Variants in HLCS observed in about 807,000 individuals in gnomAD.
HLCS encodes the protein biotin--protein ligase.
A neutral mutation model predicts 75.0 loss-of-function variants in HLCS; 53 were observed. The ratio of observed to expected loss-of-function variants is 0.71; its 90% confidence interval spans 0.57 to 0.89. The LOEUF (loss-of-function observed/expected upper bound fraction) is 0.89. HLCS is among the 40% of genes least tolerant of loss of function. The probability of loss-of-function intolerance (pLI) is 0.00; values close to 1 mark genes in which losing one functional copy is unlikely to be tolerated. For synonymous variants in HLCS, 431 were observed against 428.6 expected (o/e 1.01, Z -0.07); for missense variants, 966 against 1,074.0 (o/e 0.90, Z 1.41).
intron 2 of HLCS, among the ~76,000 whole-genome samples, chr21:36,956,777 A>G (rs1601873328): frequency 6.6e-6 from 1 of 151,630 alleles, no homozygotes; most frequent in East Asian, 2.0e-4. Context: ...AAGGAGCCAG[A>G]ATGGTGGCTC....
At chr21:36,795,976 T>A (rs954575325) in intron 6 of HLCS, among the ~76,000 whole-genome samples, 1 of 152,226 alleles carries the variant, frequency 6.6e-6, no homozygotes, top group African/African-American at 2.4e-5. Context: ...GACAAGGTTT[T>A]AAAAAAATAT....
chr21:36,913,188 A>T (rs962440672), intron 5 of HLCS, among the ~76,000 whole-genome samples: 1 of 152,166 alleles, frequency 6.6e-6, no homozygotes, highest in South Asian at 2.1e-4. Flanking sequence ...TATACCGCAG[A>T]GCTGGAATTT....
chr21:36,801,794 TA>T (rs894871530), intron 6 of HLCS, among the ~76,000 whole-genome samples: 3 of 151,564 alleles, frequency 2.0e-5, no homozygotes, highest in South Asian at 2.1e-4. Context: ...TTTTTTTTTT[TA>T]AATTTTTTAA....
chr21:36,767,525 T>A (rs1395204393), intron 6 of HLCS, among the ~76,000 whole-genome samples: 1 of 152,168 alleles, frequency 6.6e-6, no homozygotes, highest in Non-Finnish European at 1.5e-5. Flanking sequence ...AAAAAGAGCA[T>A]GCGAGGGGGC....
intron 6 of HLCS, among the ~76,000 whole-genome samples, chr21:36,876,017 C>T (rs370801657): frequency 9.9e-5 from 15 of 152,272 alleles, no homozygotes; most frequent in East Asian, 3.9e-4. Context: ...GATCTAGCCT[C>T]AGCCTTGCAC....
chr21:36,874,276 C>T (rs2063875520), intron 6 of HLCS, among the ~76,000 whole-genome samples: 1 of 152,084 alleles, frequency 6.6e-6, no homozygotes, highest in Non-Finnish European at 1.5e-5. Flanking sequence ...GTGGTGGGCG[C>T]CTGTAGTCTC....
chr21:36,966,421 G>GGC, intron 1 of HLCS, 23 bp downstream of exon 1: 60 of 473,694 alleles, frequency 1.3e-4, no homozygotes, highest in South Asian at 2.6e-4. Context: ...GGCCCGGGTC[G>GGC]CCCGCCCGCC....
At position 36,936,658 on chromosome 21, in the gene HLCS, G is replaced by C. The variant is rs2066896929; in HGVS notation, c.1228C>G (p.Leu410Val). ...ACCAAGTTCTGGACTGTCTTGTGCA[G>C]TGCACCCTTGCTTGTCACCTGAAAG... ...GGFQVTSKGA[L>V]HKTVQNLVFS... The change falls in exon 4 of 11, where the codon CTG (leucine) becomes GTG (valine). Residue 410 changes from leucine to valine, a missense_variant. Coordinates refer to ENST00000674895, the MANE Select transcript of HLCS (RefSeq NM_001352514.2). The C allele has an allele frequency of 1.2e-6, 2 of 1,614,104 alleles. No homozygotes were observed. Among genetic ancestry groups the C allele is most frequent in the Admixed American group, 3.3e-5 (2 of 60,016 alleles).
chr21:36,787,690 C>T (rs1387401747), intron 6 of HLCS, among the ~76,000 whole-genome samples: 2 of 152,148 alleles, frequency 1.3e-5, no homozygotes, highest in Admixed American at 6.5e-5. Flanking sequence ...GGCGCTGCTT[C>T]CTGGTCAGAG....
At chr21:36,938,719 T>C (rs555471419) in intron 3 of HLCS, 113 bp downstream of exon 3, 10 of 1,061,836 alleles carry the variant, frequency 9.4e-6, no homozygotes, top group African/African-American at 1.5e-5. Context: ...CTCAGGCTGG[T>C]CTCGAACTCC....
At chr21:36,756,004 C>T (rs545392563) in intron 10 of HLCS, among the ~76,000 whole-genome samples, 5 of 152,200 alleles carry the variant, frequency 3.3e-5, no homozygotes, top group East Asian at 1.9e-4. Context: ...TTCTTCCCAT[C>T]GCATCCCACC....
At chr21:36,876,421 C>A (rs1026413359) in intron 6 of HLCS, among the ~76,000 whole-genome samples, 1 of 152,196 alleles carries the variant, frequency 6.6e-6, no homozygotes, top group Non-Finnish European at 1.5e-5. Context: ...CCAGTACTAA[C>A]TCTTCCAAAC....
At chr21:36,814,197 C>A (rs1253213116) in intron 6 of HLCS, among the ~76,000 whole-genome samples, 1 of 152,172 alleles carries the variant, frequency 6.6e-6, no homozygotes, top group African/African-American at 2.4e-5. Flanking sequence ...ACATCTTATT[C>A]AAAACCCCCA....
At position 36,751,622 on chromosome 21, in the gene HLCS, C is replaced by T. The variant is rs73210780; in HGVS notation, c.*2624G>A. 1,124 of 152,512 alleles carry T rather than the reference C, an allele frequency of 7.4e-3. 3 individuals carry two copies. Among genetic ancestry groups the T allele is most frequent in the Non-Finnish European group, 0.013 (871 of 68,146 alleles). 9.4% of individuals were successfully genotyped at this position (152,512 alleles called of 1,614,324 possible). On this transcript the variant is annotated 3_prime_UTR_variant, in exon 11 of 11. Transcript: ENST00000674895. ...TCAGCCTGCTGCAGTGAAACTCAAC[C>T]ACGATTTTCCTTTGCACACAAATCC...
At chr21:36,970,743 AG>A (rs2068763187), upstream of HLCS, among the ~76,000 whole-genome samples, 1 of 152,094 alleles carries the variant, frequency 6.6e-6, no homozygotes, top group Non-Finnish European at 1.5e-5. Flanking sequence ...CTATAATCCC[AG>A]CACTTTGGGA....
intron 2 of HLCS, among the ~76,000 whole-genome samples, chr21:36,958,073 AT>A (rs2068065848): frequency 3.5e-5 from 1 of 28,904 alleles, no homozygotes; most frequent in African/African-American, 8.9e-5. Context: ...TAAAAATACA[AT>A]AAATAAATAA....
rs1475117488 is a variant in HLCS at position 36,749,661 on chromosome 21, T to G, written c.*4585A>C. On this transcript the variant is annotated 3_prime_UTR_variant, in exon 11 of 11. Transcript: ENST00000674895. The stretch of plus-strand genomic sequence containing the variant: ...TCATTCACAGCTCCTTGTGAGTGTG[T>G]GCACAGGAAATAAGCCGAGGGTATT... 3.3e-5 allele frequency: 5 copies of G among 152,194 alleles called. No homozygotes were observed. The highest frequency in any genetic ancestry group is 5.9e-5 in the Non-Finnish European group (4 of 68,028). 9.4% of individuals were successfully genotyped at this position (152,194 alleles called of 1,614,324 possible).
chr21:36,878,105 G>C (rs963748139), intron 6 of HLCS, among the ~76,000 whole-genome samples: 3 of 151,658 alleles, frequency 2.0e-5, no homozygotes, highest in Non-Finnish European at 2.9e-5. Context: ...TGAACTTCTT[G>C]AGCCTGGAAA....
chr21:36,988,187 C>T (rs1045325714), intron 1 of HLCS, among the ~76,000 whole-genome samples: 1 of 152,184 alleles, frequency 6.6e-6, no homozygotes, highest in East Asian at 1.9e-4. Context: ...TTCTCATCCA[C>T]CCACTGCAAG....
Sources: allele counts gnomAD v4.1 joint callset (sites outside exome capture counted in the v4.1 genomes callset), GRCh38; gene constraint gnomAD v4.1.1; transcripts MANE v1.5; gene names NCBI Gene and HGNC (gene_info 2026-07-23, HGNC 2026-07-21).